Variants in RNF122 observed in about 807,000 individuals in gnomAD.
The protein encoded by RNF122 is ring finger protein 122.
Under a neutral mutation model 24.2 loss-of-function variants are expected in RNF122, and 17 were observed. That is an observed-to-expected ratio of 0.70 (90% CI 0.48 to 1.06). The LOEUF (loss-of-function observed/expected upper bound fraction) is 1.06, where lower values mean the gene tolerates loss of function less well. Among genes scored for constraint, RNF122 ranks in the 50% least tolerant of loss-of-function variants. RNF122 has a pLI of 0.00. For synonymous variants in RNF122, 65 were observed against 71.8 expected, an observed-to-expected ratio of 0.91 and a Z score of 0.48; for missense variants, 168 against 198.1, an observed-to-expected ratio of 0.85 and a Z score of 0.91.
chr8:33,547,884 G>A lies in RNF122; in HGVS notation c.*869C>T, dbSNP rs1199381962. The A allele has an allele frequency of 6.7e-6, 1 of 148,578 alleles. No individual in the cohort carries two copies. The highest frequency in any genetic ancestry group is 2.5e-5 in the African/African-American group (1 of 40,288). The allele number at this position is 148,578 out of a possible 1,614,324, so 9.2% of individuals were successfully genotyped here. A position where few individuals can be genotyped will look rare whatever the true frequency, so the allele number is the denominator to read the frequency against. On this transcript the variant is annotated 3_prime_UTR_variant, in exon 6 of 6. Transcript: ENST00000256257. ...TCTGGAGATTTCGTATCTAAAGCCT[G>A]AGAGGCGAGGATGAAGTATAAAAAT...
chr8:33,549,337 G>T, intron 5 of RNF122, 73 bp downstream of exon 5: 1 of 1,219,706 alleles, frequency 8.2e-7, no homozygotes, highest in Non-Finnish European at 1.2e-6. Flanking sequence ...AAGTGGCAGA[G>T]ACTGGAAGTT....
At chr8:33,555,143 G>A (rs1337451598) in intron 2 of RNF122, among the ~76,000 whole-genome samples, 3 of 152,130 alleles carry the variant, frequency 2.0e-5, no homozygotes, top group Non-Finnish European at 2.9e-5. Context: ...CACCACAGTG[G>A]GGTCAGCTTT....
intron 1 of RNF122, among the ~76,000 whole-genome samples, chr8:33,560,609 C>A (rs1810526838): frequency 6.6e-6 from 1 of 151,644 alleles, no homozygotes; most frequent in Admixed American, 6.6e-5. Flanking sequence ...ATTGTGATAG[C>A]CAAGCTGTAG....
chr8:33,549,808 C>T (rs936246430), intron 4 of RNF122, among the ~76,000 whole-genome samples: 2 of 152,190 alleles, frequency 1.3e-5, no homozygotes, highest in Non-Finnish European at 2.9e-5. Flanking sequence ...ACAGAAGTTT[C>T]CACTGCACTG....
At position 33,567,119 on chromosome 8, in the gene RNF122, C is replaced by T. The variant is rs145119071; in HGVS notation, c.-396G>A. 3.5e-4 allele frequency: 92 copies of T among 260,442 alleles called. No individual in the cohort carries two copies. Among genetic ancestry groups the T allele is most frequent in the Non-Finnish European group, 5.6e-4 (74 of 132,476 alleles). The allele number at this position is 260,442 out of a possible 1,614,324, so 16.1% of individuals were successfully genotyped here. On this transcript the variant is annotated 5_prime_UTR_variant, in exon 1 of 6. Coordinates refer to ENST00000256257, the MANE Select transcript of RNF122 (RefSeq NM_024787.3). ...CGCAGAGGTGAGCTGGCTGGGGTTC[C>T]GAAACTGACACCCGGCGGTGCACAC...
intron 1 of RNF122, among the ~76,000 whole-genome samples, chr8:33,564,955 G>C (rs1384491661): frequency 6.6e-6 from 1 of 152,222 alleles, no homozygotes; most frequent in Non-Finnish European, 1.5e-5. Context: ...AGAAAGGGCA[G>C]TGTTACTGAC....
intron 1 of RNF122, among the ~76,000 whole-genome samples, chr8:33,564,050 T>C (rs1431213138): frequency 6.6e-6 from 1 of 152,170 alleles, no homozygotes; most frequent in Non-Finnish European, 1.5e-5. Flanking sequence ...AGATGGTTCA[T>C]TTGCTTGTGT....
intron 4 of RNF122, 131 bp downstream of exon 4, chr8:33,550,913 T>A: frequency 1.2e-6 from 1 of 814,650 alleles, no homozygotes. Flanking sequence ...GTGTCTCCAT[T>A]ATTTGGCCAA....
intron 2 of RNF122, among the ~76,000 whole-genome samples, chr8:33,554,258 G>C (rs1810417836): frequency 6.6e-6 from 1 of 152,196 alleles, no homozygotes; most frequent in African/African-American, 2.4e-5. Context: ...TAAGGAAGTG[G>C]TGAAAAGCCT....
chr8:33,555,588 G>T (rs1286946902), intron 2 of RNF122, among the ~76,000 whole-genome samples: 4 of 152,222 alleles, frequency 2.6e-5, no homozygotes, highest in African/African-American at 9.6e-5. Context: ...AACAGATCCT[G>T]ACCTGCAAGG....
At chr8:33,555,760 A>G (rs1466368877) in intron 2 of RNF122, among the ~76,000 whole-genome samples, 7 of 152,234 alleles carry the variant, frequency 4.6e-5, no homozygotes, top group African/African-American at 1.7e-4. Context: ...GAACAGTCTG[A>G]GCATGAAATT....
Position 33,548,837 on chromosome 8 carries a change from A to C in RNF122, c.384T>G (p.Cys128Trp). Residue 128 changes from cysteine (C) to tryptophan (W), a missense_variant, in exon 6 of 6, where the codon TGT becomes TGG. Transcript: ENST00000256257. ...TGGGCTTGTTACACATGGGGCAGAC[A>C]CAGCGAACTTCCAGCCATTTCACCA... ...KCLVKWLEVRCVCPMCNKPIA... is the reference protein window; with the variant it reads ...KCLVKWLEVRWVCPMCNKPIA... 6.2e-7 allele frequency: 1 copy of C among 1,614,036 alleles called. No homozygotes were observed. Among genetic ancestry groups the C allele is most frequent in the South Asian group, 1.1e-5 (1 of 91,082 alleles).
chr8:33,554,092 G>C (rs949690231), intron 2 of RNF122, among the ~76,000 whole-genome samples: 1 of 152,216 alleles, frequency 6.6e-6, no homozygotes, highest in Non-Finnish European at 1.5e-5. Flanking sequence ...CAAATGAGCA[G>C]GGCAGGACAT....
At chr8:33,551,683 C>T (rs1036443987) in intron 2 of RNF122, among the ~76,000 whole-genome samples, 3 of 152,184 alleles carry the variant, frequency 2.0e-5, no homozygotes, top group Admixed American at 6.5e-5. Flanking sequence ...TTTTTCTGGT[C>T]GGCAAATTCC....
At chr8:33,563,379 A>G (rs1216612569) in intron 1 of RNF122, among the ~76,000 whole-genome samples, 2 of 152,192 alleles carry the variant, frequency 1.3e-5, no homozygotes, top group African/African-American at 4.8e-5. Flanking sequence ...AGTATTATTG[A>G]GGGCTTGCTT....
At chr8:33,553,892 C>T (rs1036693099) in intron 2 of RNF122, among the ~76,000 whole-genome samples, 1 of 152,248 alleles carries the variant, frequency 6.6e-6, no homozygotes, top group Non-Finnish European at 1.5e-5. Context: ...ATGCCACGGG[C>T]TTGGGCACTG....
In RNF122 at chr8:33,558,725, C is replaced by G. The variant is rs755028263; in HGVS notation, c.72G>C (p.Ser24=). The change falls in exon 2 of 6, where the codon TCG becomes TCC. Residue 24 remains serine, a synonymous_variant. Transcript: ENST00000256257. ...LGLVSTNKSC[S]MPPISFQDLP... Reference sequence around the variant, plus strand: ...GGTCCTGGAAACTGATGGGTGGCATCGAGCAGGACTTGTTGGTGCTAACCA... The same window carrying G: ...GGTCCTGGAAACTGATGGGTGGCATGGAGCAGGACTTGTTGGTGCTAACCA... 6.2e-7 allele frequency: 1 copy of G among 1,610,128 alleles called. No individual in the cohort carries two copies. Among genetic ancestry groups the G allele is most frequent in the Non-Finnish European group, 8.5e-7 (1 of 1,177,416 alleles).
At chr8:33,552,077 A>G (rs1010912424) in intron 2 of RNF122, among the ~76,000 whole-genome samples, 3 of 152,178 alleles carry the variant, frequency 2.0e-5, no homozygotes, top group Admixed American at 6.6e-5. Flanking sequence ...AATGATTCCA[A>G]ACTCCAAGAG....
intron 2 of RNF122, among the ~76,000 whole-genome samples, chr8:33,552,241 A>G (rs1810386763): frequency 6.6e-6 from 1 of 152,180 alleles, no homozygotes; most frequent in African/African-American, 2.4e-5. Flanking sequence ...GTCACATTAA[A>G]AATACAAAAT....
Sources: allele counts gnomAD v4.1 joint callset (sites outside exome capture counted in the v4.1 genomes callset), GRCh38; gene constraint gnomAD v4.1.1; transcripts MANE v1.5; gene names NCBI Gene and HGNC (gene_info 2026-07-23, HGNC 2026-07-21).